The following NAT2 variants were observed in gnomAD, a reference collection of about 807,000 sequenced individuals.
The protein encoded by NAT2 is arylamine N-acetyltransferase 2.
For missense variants in NAT2, 428 were observed against 339.1 expected (o/e 1.26, Z -2.06); for synonymous variants, 137 against 125.9 (o/e 1.09, Z -0.59).
At chr8:18,389,429 A>T (rs932154815), upstream of NAT2, among the ~76,000 whole-genome samples, 8 of 152,206 alleles carry the variant, frequency 5.3e-5, no homozygotes, top group African/African-American at 1.7e-4. Context: ...AAACCTTGCC[A>T]TTTAATTCAC....
In NAT2 at chr8:18,400,251, G is replaced by A; in HGVS notation, c.248G>A (p.Gly83Asp). 1.9e-6 allele frequency: 3 copies of A among 1,612,628 alleles called. No individual in the cohort carries two copies. Among genetic ancestry groups the A allele is most frequent in the East Asian group, 4.5e-5 (2 of 44,864 alleles). ...CTGTACTGGGCTCTGACCACAATCGGTTTTCAGACCACAATGTTAGGAGGG... is the reference window on the plus strand; with the variant it reads ...CTGTACTGGGCTCTGACCACAATCGATTTTCAGACCACAATGTTAGGAGGG... Reference protein sequence around the residue: ...QLLYWALTTIGFQTTMLGGYF... With the variant: ...QLLYWALTTIDFQTTMLGGYF... Residue 83 changes from glycine (G) to aspartate (D), a missense_variant, in exon 2 of 2, where the codon GGT (glycine) becomes GAT (aspartate). Gly to Asp is a moderately conservative substitution (Grantham distance 94, BLOSUM62 -1). Coordinates refer to ENST00000286479, the MANE Select transcript of NAT2 (RefSeq NM_000015.3).
In NAT2 at chr8:18,400,385, TC is replaced by T. The variant is rs758175541; in HGVS notation, c.384del (p.Ser129ProfsTer7). On this transcript the variant is annotated frameshift_variant, in exon 2 of 2. Coordinates refer to ENST00000286479, the MANE Select transcript of NAT2 (RefSeq NM_000015.3). LOFTEE classifies it low-confidence loss of function (END_TRUNC). ...CATTGTCGATGCTGGGTCTGGAAGC[TC>T]CTCCCAGATGTGGCAGCCTCTAGAA... ...NYIVDAGSGS[S>X]SQMWQPLELI... 2 of 1,611,402 alleles carry T rather than the reference TC, an allele frequency of 1.2e-6. No homozygotes were observed. The highest frequency in any genetic ancestry group is 2.7e-5 in the African/African-American group (2 of 74,648).
chr8:18,396,097 A>G lies in NAT2; in HGVS notation c.-6-3901A>G, dbSNP rs545034677. Among the ~76,000 whole-genome samples the G allele has an allele frequency of 8.0e-4, 121 of 152,184 alleles. 5 individuals carry two copies. In the South Asian group the frequency reaches 0.024, roughly 31 times the overall value. ...TTAATGCTAAAGTTAGCATTAATAAAATCTTACAAACAAATCTATTTAATT... is the reference window on the plus strand; with the variant it reads ...TTAATGCTAAAGTTAGCATTAATAAGATCTTACAAACAAATCTATTTAATT... On this transcript the variant is annotated intron_variant, in intron 1 of 1. Coordinates refer to ENST00000286479, the MANE Select transcript of NAT2 (RefSeq NM_000015.3).
chr8:18,388,949 G>A (rs563251235), upstream of NAT2, among the ~76,000 whole-genome samples: 2 of 152,130 alleles, frequency 1.3e-5, no homozygotes, highest in Admixed American at 6.5e-5. Flanking sequence ...CCTGTGGGAG[G>A]CTGTAGGGTA....
upstream of NAT2, chr8:18,387,683 C>G (rs976800804): frequency 3.2e-5 from 5 of 156,668 alleles, no homozygotes; most frequent in African/African-American, 1.2e-4. Context: ...TCTTCCGGTC[C>G]CGCTCCTTCT....
chr8:18,387,865 C>T (rs1800530923), upstream of NAT2: 4 of 152,558 alleles, frequency 2.6e-5, no homozygotes, highest in Admixed American at 2.6e-4. Flanking sequence ...TGCCCTGGGA[C>T]GTGACTTTCG....
At chr8:18,389,478 CTATTCACCCG>C (rs1394298000), upstream of NAT2, among the ~76,000 whole-genome samples, 3 of 152,198 alleles carry the variant, frequency 2.0e-5, no homozygotes, top group Non-Finnish European at 2.9e-5. Context: ...TGTGAAGAAC[CTATTCACCCG>C]TATTCACTGG....
chr8:18,398,045 A>G (rs1800722501), intron 1 of NAT2, among the ~76,000 whole-genome samples: 1 of 152,240 alleles, frequency 6.6e-6, no homozygotes, highest in Non-Finnish European at 1.5e-5. Flanking sequence ...ATCAACTCAC[A>G]AAAGATAGAT....
At chr8:18,399,880 G>A (rs1800756871) in intron 1 of NAT2, 118 bp from the exon 2 acceptor site, 1 of 1,148,670 alleles carries the variant, frequency 8.7e-7, no homozygotes. Context: ...TACTATGACA[G>A]ATACTTATAA....
upstream of NAT2, among the ~76,000 whole-genome samples, chr8:18,388,747 C>T (rs139947017): frequency 3.0e-3 from 456 of 152,302 alleles, 6 homozygotes; most frequent in African/African-American, 0.011. Flanking sequence ...ATGCTTTCTA[C>T]GTGTATAAGT....
chr8:18,400,813 A>G lies in NAT2; in HGVS notation c.810A>G (p.Ile270Met), dbSNP rs1235991376. 1.2e-6 allele frequency: 2 copies of G among 1,610,708 alleles called. No homozygotes were observed. The highest frequency in any genetic ancestry group is 1.1e-5 in the South Asian group (1 of 90,192). ...AGGTTGAAGAAGTGCTGAGAAATAT[A>G]TTTAAGATTTCCTTGGGGAGAAATC... is the stretch of plus-strand genomic sequence containing the variant. ...EEEVEEVLRN[I>M]FKISLGRNLV... Residue 270 changes from isoleucine (I) to methionine (M), a missense_variant, in exon 2 of 2, where the codon ATA (isoleucine) becomes ATG (methionine). Coordinates refer to ENST00000286479, the MANE Select transcript of NAT2 (RefSeq NM_000015.3).
intron 1 of NAT2, among the ~76,000 whole-genome samples, chr8:18,393,473 AT>A (rs1193883924): frequency 6.6e-5 from 10 of 151,628 alleles, no homozygotes; most frequent in Admixed American, 4.6e-4. Flanking sequence ...ACAGAAAAAA[AT>A]AAATAAATAA....
intron 1 of NAT2, among the ~76,000 whole-genome samples, chr8:18,395,786 A>G (rs1277629795): frequency 2.0e-5 from 3 of 152,174 alleles, no homozygotes; most frequent in Non-Finnish European, 2.9e-5. Flanking sequence ...CAATCACCAA[A>G]CAGGTCATTG....
chr8:18,391,008 A>G (rs1277934345), upstream of NAT2, among the ~76,000 whole-genome samples: 2 of 152,164 alleles, frequency 1.3e-5, no homozygotes, highest in Admixed American at 1.3e-4. Flanking sequence ...TATATCACAC[A>G]TGGGAAGTCT....
At position 18,400,651 on chromosome 8, in the gene NAT2, A is replaced by G; in HGVS notation, c.648A>G (p.Ser216=). ...NTYLQTSPTS[S]FITTSFCSLQ... is the part of the protein sequence containing the mutation. The stretch of plus-strand genomic sequence containing the variant: ...ACCTGCAGACGTCTCCAACATCTTC[A>G]TTTATAACCACATCATTTTGTTCCT... The change falls in exon 2 of 2, where the codon TCA becomes TCG. Residue 216 remains serine (S), a synonymous_variant. Transcript: ENST00000286479. The G allele has an allele frequency of 6.2e-7, 1 of 1,614,012 alleles. No individual in the cohort carries two copies. Among genetic ancestry groups the G allele is most frequent in the Non-Finnish European group, 8.5e-7 (1 of 1,179,972 alleles).
At chr8:18,395,307 C>T (rs1466511699) in intron 1 of NAT2, among the ~76,000 whole-genome samples, 1 of 152,028 alleles carries the variant, frequency 6.6e-6, no homozygotes, top group Non-Finnish European at 1.5e-5. Flanking sequence ...TGACAGAAGT[C>T]TTAGGACAGC....
intron 1 of NAT2, among the ~76,000 whole-genome samples, chr8:18,392,049 AG>A (rs371434432): frequency 2.2e-4 from 33 of 152,362 alleles, no homozygotes; most frequent in African/African-American, 5.8e-4. Flanking sequence ...TCTGATTTTC[AG>A]GCAGAGCCAA....
Position 18,400,117 on chromosome 8 carries a change from G to A in NAT2, c.114G>A (p.Glu38=). 2 of 1,614,040 alleles carry A rather than the reference G, an allele frequency of 1.2e-6. No individual in the cohort carries two copies. The highest frequency in any genetic ancestry group is 1.7e-6 in the Non-Finnish European group (2 of 1,179,956). ...LEHQIRAVPF[E]NLNMHCGQAM... Reference sequence around the variant, plus strand: ...ACCAGATCCGGGCTGTTCCCTTTGAGAACCTTAACATGCATTGTGGGCAAG... The same window carrying A: ...ACCAGATCCGGGCTGTTCCCTTTGAAAACCTTAACATGCATTGTGGGCAAG... The change falls in exon 2 of 2, where the codon GAG becomes GAA. Residue 38 remains glutamate, a synonymous_variant. Transcript: ENST00000286479.
upstream of NAT2, among the ~76,000 whole-genome samples, chr8:18,387,956 T>A (rs554005018): frequency 2.7e-4 from 41 of 152,340 alleles, no homozygotes; most frequent in African/African-American, 8.4e-4. Context: ...GAGTTGAATG[T>A]TTCTCTTACC....
Sources: gnomAD v4.1 joint callset for allele counts (sites outside exome capture counted in the v4.1 genomes callset) on GRCh38, gnomAD v4.1.1 for gene constraint, MANE v1.5 for transcripts, NCBI Gene and HGNC (gene_info 2026-07-23, HGNC 2026-07-21) for gene names.